TEK: variants seen among roughly 807,000 people sequenced by gnomAD.
The protein encoded by TEK is TEK receptor tyrosine kinase, also known as angiopoietin-1 receptor.
In TEK, 43 loss-of-function variants were observed where a neutral mutation model predicts 131.8. The ratio of observed to expected loss-of-function variants is 0.33; its 90% CI spans 0.26 to 0.42. The LOEUF is 0.42. Among genes scored for constraint, TEK ranks in the 10% least tolerant of loss-of-function variants. The pLI, the probability that TEK is intolerant of heterozygous loss-of-function variation, is 1.00. For missense variants in TEK, 1,162 were observed against 1,384.4 expected (o/e 0.84, Z 2.55); for synonymous variants, 580 against 491.6 (o/e 1.18, Z -2.38).
intron 5 of TEK, 119 bp from the exon 6 acceptor site, chr9:27,173,103 A>C: frequency 6.8e-6 from 9 of 1,323,704 alleles, no homozygotes; most frequent in Middle Eastern, 1.9e-4. Flanking sequence ...CTACCATGCC[A>C]CAGCTGAGAT....
intron 1 of TEK, among the ~76,000 whole-genome samples, chr9:27,136,690 G>A (rs1822459473): frequency 6.6e-6 from 1 of 152,178 alleles, no homozygotes; most frequent in South Asian, 2.1e-4. Context: ...CAGAGGCAAT[G>A]CAAAGAACTT....
At chr9:27,137,631 T>C (rs929346475) in intron 1 of TEK, among the ~76,000 whole-genome samples, 3 of 152,098 alleles carry the variant, frequency 2.0e-5, no homozygotes, top group African/African-American at 7.2e-5. Flanking sequence ...TTTTTAAACT[T>C]ACCTGAAAAT....
At position 27,109,679 on chromosome 9, in the gene TEK, T is replaced by G. The variant is rs777116208; in HGVS notation, c.52+37T>G. 2.0e-4 allele frequency: 324 copies of G among 1,607,154 alleles called. 1 individual carries two copies. The highest frequency in any genetic ancestry group is 9.4e-5 in the Non-Finnish European group (110 of 1,174,050). On this transcript the variant is annotated intron_variant, in intron 1 of 22. Transcript: ENST00000380036. ...CTTTATTTTTTTTAATTTAGTATTT[T>G]AAAAAACAGAGTTAGTGATTTCTGG...
At chr9:27,211,191 A>ATG (rs1554701101) in intron 16 of TEK, among the ~76,000 whole-genome samples, 4 of 143,334 alleles carry the variant, frequency 2.8e-5, no homozygotes, top group African/African-American at 5.2e-5. Context: ...ATATGAATAT[A>ATG]TGTATATATA....
intron 1 of TEK, among the ~76,000 whole-genome samples, chr9:27,154,975 T>C (rs985295774): frequency 6.6e-6 from 1 of 152,240 alleles, no homozygotes; most frequent in African/African-American, 2.4e-5. Context: ...TTTTGTATTA[T>C]TTCCTAAAGC....
At chr9:27,151,035 C>T (rs1191018364) in intron 1 of TEK, among the ~76,000 whole-genome samples, 2 of 152,296 alleles carry the variant, frequency 1.3e-5, no homozygotes, top group East Asian at 1.9e-4. Flanking sequence ...AGCCCAGTCA[C>T]ATCCAGGATG....
intron 1 of TEK, among the ~76,000 whole-genome samples, chr9:27,114,079 C>T (rs1203533022): frequency 6.6e-6 from 1 of 152,208 alleles, no homozygotes; most frequent in East Asian, 1.9e-4. Context: ...TTTGGGCAGC[C>T]AGATTTAGCC....
intron 6 of TEK, 78 bp from the exon 7 acceptor site, chr9:27,180,162 A>G: frequency 6.3e-7 from 1 of 1,598,418 alleles, no homozygotes; most frequent in Non-Finnish European, 8.6e-7. Context: ...AGAGAGAAAA[A>G]TAAAACTAAA....
intron 11 of TEK, among the ~76,000 whole-genome samples, chr9:27,196,340 A>G (rs1825008599): frequency 6.6e-6 from 1 of 152,110 alleles, no homozygotes; most frequent in Non-Finnish European, 1.5e-5. Context: ...GTTTCTTCCA[A>G]TTGTTTGCTG....
chr9:27,123,308 T>C (rs570423730), intron 1 of TEK, among the ~76,000 whole-genome samples: 2 of 152,054 alleles, frequency 1.3e-5, no homozygotes, highest in African/African-American at 4.8e-5. Context: ...CTGAAAGGGG[T>C]TAGGTCCTTC....
At chr9:27,173,148 A>G (rs958262851) in intron 5 of TEK, 74 bp from the exon 6 acceptor site, 63 of 1,582,268 alleles carry the variant, frequency 4.0e-5, no homozygotes, top group Admixed American at 2.7e-4. Context: ...ACTAGGAGAA[A>G]TGAATCTAAA....
intron 11 of TEK, among the ~76,000 whole-genome samples, chr9:27,194,855 A>T (rs1472791823): frequency 6.6e-6 from 1 of 151,928 alleles, no homozygotes; most frequent in Non-Finnish European, 1.5e-5. Context: ...GTTGATTGAG[A>T]TGGTGAAGGC....
chr9:27,129,499 A>C (rs117798656), intron 1 of TEK, among the ~76,000 whole-genome samples: 6,495 of 152,042 alleles, frequency 0.043, 202 homozygotes, highest in Middle Eastern at 0.065. Flanking sequence ...CATATATACC[A>C]CTTGGCAGAA....
intron 2 of TEK, among the ~76,000 whole-genome samples, chr9:27,166,001 G>A (rs1239190933): frequency 1.3e-5 from 2 of 152,224 alleles, no homozygotes; most frequent in African/African-American, 4.8e-5. Flanking sequence ...CCAGTGGCGC[G>A]CACAGCGCTT....
At position 27,169,511 on chromosome 9, in the gene TEK, A is replaced by G. The variant is rs138265705; in HGVS notation, c.510A>G (p.Val170=). 9.3e-6 allele frequency: 15 copies of G among 1,614,006 alleles called. No individual in the cohort carries two copies. Among genetic ancestry groups the G allele is most frequent in the Non-Finnish European group, 1.3e-5 (15 of 1,179,986 alleles). The change falls in exon 4 of 23, where the codon GTA becomes GTG. Residue 170 remains valine, a synonymous_variant. Transcript: ENST00000380036. ...SFIHSVPRHE[V]PDILEVHLPH... ...TCCATTCAGTGCCCCGGCATGAAGTACCTGATATTCTAGAAGTACACCTGC... is the reference window on the plus strand; with the variant it reads ...TCCATTCAGTGCCCCGGCATGAAGTGCCTGATATTCTAGAAGTACACCTGC...
chr9:27,125,783 C>T (rs1177870171), intron 1 of TEK, among the ~76,000 whole-genome samples: 1 of 152,188 alleles, frequency 6.6e-6, no homozygotes, highest in East Asian at 1.9e-4. Flanking sequence ...CCCTGTGCTA[C>T]TAGGGTAATT....
Position 27,204,927 on chromosome 9 carries a change from A to G in TEK, c.2226A>G (p.Gly742=). 6.2e-7 allele frequency: 1 copy of G among 1,613,876 alleles called. No homozygotes were observed. The highest frequency in any genetic ancestry group is 8.5e-7 in the Non-Finnish European group (1 of 1,179,850). Residue 742 remains glycine (G), a synonymous_variant, in exon 14 of 23, where the codon GGA becomes GGG. Coordinates refer to ENST00000380036, the MANE Select transcript of TEK (RefSeq NM_000459.5). ...LPESQAPADL[G]GGKMLLIAIL... ...CCTGCACAGCACCAGCGGACCTCGG[A>G]GGGGGGAAGATGCTGCTTATAGCCA...
chr9:27,195,582 C>T, intron 11 of TEK: 1 of 453,888 alleles, frequency 2.2e-6, no homozygotes, highest in South Asian at 1.6e-5. Context: ...TAGAGGATCT[C>T]TATCCTACGT....
rs373344886 is a variant in TEK at position 27,214,111 on chromosome 9, C to G, written c.2991+514C>G. On this transcript the variant is annotated intron_variant, in intron 18 of 22. Coordinates refer to ENST00000380036, the MANE Select transcript of TEK (RefSeq NM_000459.5). ...TCACTATTCAAACCCAAATAAAATC[C>G]ACTCTCCCAAACAGTAATATTTTAT... is the stretch of plus-strand genomic sequence containing the variant. 5.9e-5 allele frequency among the ~76,000 whole-genome samples: 9 copies of G among 152,308 alleles called. No individual in the cohort carries two copies. In the East Asian group the frequency reaches 1.7e-3, roughly 29 times the overall value.
Sources: gnomAD v4.1 joint callset for allele counts (sites outside exome capture counted in the v4.1 genomes callset) on GRCh38, gnomAD v4.1.1 for gene constraint, MANE v1.5 for transcripts, NCBI Gene and HGNC (gene_info 2026-07-23, HGNC 2026-07-21) for gene names.